Variants in ATF2 observed in about 807,000 individuals in gnomAD.
The protein encoded by ATF2 is cyclic AMP-dependent transcription factor ATF-2.
Under a neutral mutation model 60.6 loss-of-function variants are expected in ATF2, and 24 were observed. That is an observed-to-expected ratio of 0.40 (90% CI 0.29 to 0.56). The LOEUF is 0.56. Ranked by LOEUF, ATF2 falls within the 20% of genes least tolerant of loss-of-function variation. ATF2 has a pLI of 0.54. For missense variants in ATF2, 433 were observed against 607.7 expected (o/e 0.71, Z 3.02); for synonymous variants, 206 against 215.4 (o/e 0.96, Z 0.38).
rs1349504227 is a variant in ATF2 at position 175,074,062 on chromosome 2, G to A, written c.*547C>T. 2 of 152,172 alleles carry A rather than the reference G, an allele frequency of 1.3e-5. No individual in the cohort carries two copies. The highest frequency in any genetic ancestry group is 4.8e-5 in the African/African-American group (2 of 41,442). The allele number at this position is 152,172 out of a possible 1,614,324, so 9.4% of individuals were successfully genotyped here. On this transcript the variant is annotated 3_prime_UTR_variant, in exon 14 of 14. Transcript: ENST00000264110. Reference sequence around the variant, plus strand: ...TGTTTTCACTCACTTAAAAAAAAGTGTTCTTTAATGTTTTTCCTTTTGCAT... The same window carrying A: ...TGTTTTCACTCACTTAAAAAAAAGTATTCTTTAATGTTTTTCCTTTTGCAT...
In ATF2 at chr2:175,097,617, AT is replaced by A; in HGVS notation, c.829-25del. 2.5e-6 allele frequency: 4 copies of A among 1,610,650 alleles called. No homozygotes were observed. In the East Asian group the frequency reaches 6.7e-5, roughly 27 times the overall value. On this transcript the variant is annotated intron_variant, in intron 10 of 13. Coordinates refer to ENST00000264110, the MANE Select transcript of ATF2 (RefSeq NM_001880.4). ...CTCTGCAATGCAAACACCATTAAAA[AT>A]TTTTTTTAAGTCCTTAAAGATCATC...
intron 1 of ATF2, among the ~76,000 whole-genome samples, chr2:175,160,947 A>T (rs1699990646): frequency 6.6e-6 from 1 of 152,130 alleles, no homozygotes; most frequent in Non-Finnish European, 1.5e-5. Flanking sequence ...CTTAGGTGGG[A>T]AGATCTCTCG....
At chr2:175,084,207 A>G (rs1490676446) in intron 12 of ATF2, among the ~76,000 whole-genome samples, 10 of 152,110 alleles carry the variant, frequency 6.6e-5, no homozygotes, top group Non-Finnish European at 1.2e-4. Flanking sequence ...TGTTTATTGC[A>G]GCACTATTCA....
chr2:175,114,891 A>T (rs779108653), intron 7 of ATF2, 23 bp from the exon 8 acceptor site: 1 of 1,601,608 alleles, frequency 6.2e-7, no homozygotes, highest in East Asian at 2.2e-5. Flanking sequence ...GAGATAAAAA[A>T]GGGTGGCATT....
intron 1 of ATF2, among the ~76,000 whole-genome samples, chr2:175,158,056 A>T (rs1699796266): frequency 6.6e-6 from 1 of 152,076 alleles, no homozygotes; most frequent in Non-Finnish European, 1.5e-5. Context: ...GAAGCAGGAT[A>T]CGAACACTCA....
At chr2:175,115,545 G>A (rs1032363986) in intron 7 of ATF2, among the ~76,000 whole-genome samples, 1 of 152,106 alleles carries the variant, frequency 6.6e-6, no homozygotes, top group Non-Finnish European at 1.5e-5. Flanking sequence ...AGTTTTAAAA[G>A]ATTTTACCCA....
Position 175,073,550 on chromosome 2 carries a change from T to C in ATF2, c.*1059A>G, listed in dbSNP as rs1035507890. The stretch of plus-strand genomic sequence containing the variant: ...CATTATAATTACATTGTTCTAAAGA[T>C]AGATACTGATTTTTTTTTCCACGAG... On this transcript the variant is annotated 3_prime_UTR_variant, in exon 14 of 14. Transcript: ENST00000264110. 2.6e-5 allele frequency: 4 copies of C among 152,168 alleles called. No homozygotes were observed. The highest frequency in any genetic ancestry group is 9.6e-5 in the African/African-American group (4 of 41,540). The allele number at this position is 152,168 out of a possible 1,614,324, so 9.4% of individuals were successfully genotyped here.
intron 2 of ATF2, among the ~76,000 whole-genome samples, chr2:175,147,572 C>T (rs7591105): frequency 0.022 from 3,393 of 152,258 alleles, 128 homozygotes; most frequent in African/African-American, 0.077. Context: ...GCACTCTGAG[C>T]ATTTCCAATA....
chr2:175,108,180 C>T (rs1331391576), intron 10 of ATF2, among the ~76,000 whole-genome samples: 5 of 150,112 alleles, frequency 3.3e-5, no homozygotes, highest in African/African-American at 7.4e-5. Context: ...TGCCCGGCCG[C>T]GACCCCGTCT....
In ATF2 at chr2:175,072,564, A is replaced by G. The variant is rs1437366430; in HGVS notation, c.*2045T>C. 6.6e-6 allele frequency: 1 copy of G among 152,128 alleles called. No homozygotes were observed. Among genetic ancestry groups the G allele is most frequent in the African/African-American group, 2.4e-5 (1 of 41,438 alleles). 9.4% of individuals were successfully genotyped at this position (152,128 alleles called of 1,614,324 possible). On this transcript the variant is annotated 3_prime_UTR_variant, in exon 14 of 14. Coordinates refer to ENST00000264110, the MANE Select transcript of ATF2 (RefSeq NM_001880.4). ...GTTGCAAGAATTCTGTTACCAAAGA[A>G]CCTTAACTTGCATAAGTAATAAGAT...
At chr2:175,116,414 T>C (rs951276657) in intron 7 of ATF2, among the ~76,000 whole-genome samples, 1 of 151,938 alleles carries the variant, frequency 6.6e-6, no homozygotes, top group Admixed American at 6.6e-5. Flanking sequence ...TTTACTGAGA[T>C]GGGGAAAACT....
chr2:175,119,589 T>C (rs983831469), intron 5 of ATF2, among the ~76,000 whole-genome samples: 1 of 151,580 alleles, frequency 6.6e-6, no homozygotes, highest in African/African-American at 2.4e-5. Context: ...CTGTTAGTAA[T>C]ATCAGAATTA....
chr2:175,148,598 G>A (rs1397844743), intron 2 of ATF2, among the ~76,000 whole-genome samples: 2 of 152,076 alleles, frequency 1.3e-5, no homozygotes, highest in South Asian at 2.1e-4. Context: ...CCCTCCTCCC[G>A]TTGAAATTCA....
At chr2:175,108,136 A>G (rs1329302240) in intron 10 of ATF2, among the ~76,000 whole-genome samples, 1 of 150,268 alleles carries the variant, frequency 6.7e-6, no homozygotes, top group Non-Finnish European at 1.5e-5. Context: ...GTCTCTGCCC[A>G]GCCGCCCATC....
rs142811958 is a variant in ATF2 at position 175,149,444 on chromosome 2, A to C, written c.-44+1616T>G. 1.4e-3 allele frequency among the ~76,000 whole-genome samples: 211 copies of C among 152,368 alleles called. 5 individuals are homozygous for C. In the East Asian group the frequency reaches 0.016, roughly 11 times the overall value. On this transcript the variant is annotated intron_variant, in intron 2 of 13. Coordinates refer to ENST00000264110, the MANE Select transcript of ATF2 (RefSeq NM_001880.4). ...GAAACATTTTAAGTACGTGAACTAA[A>C]TCAAGAGGAGGATTTTTGCAAGATC...
chr2:175,156,019 G>A (rs1699655799), intron 1 of ATF2, among the ~76,000 whole-genome samples: 1 of 152,046 alleles, frequency 6.6e-6, no homozygotes, highest in African/African-American at 2.4e-5. Context: ...CCTAATCCCT[G>A]GAACCTGTTA....
intron 10 of ATF2, among the ~76,000 whole-genome samples, chr2:175,107,548 CGGTCTCCCTCTCCCTCTCCCCAT>C (rs1367678267): frequency 4.0e-4 from 57 of 141,828 alleles, no homozygotes; most frequent in Admixed American, 2.0e-3. Context: ...CCTCTCCCCA[CGGTCTCCCTCTCCCTCTCCCCAT>C]GGTCTCCCTC....
chr2:175,100,636 A>G lies in ATF2; in HGVS notation c.829-3043T>C, dbSNP rs531493978. Among the ~76,000 whole-genome samples the G allele has an allele frequency of 2.0e-5, 3 of 152,342 alleles. No homozygotes were observed. In the East Asian group the frequency reaches 5.8e-4, roughly 29 times the overall value. On this transcript the variant is annotated intron_variant, in intron 10 of 13. Transcript: ENST00000264110. The stretch of plus-strand genomic sequence containing the variant: ...TTCTTAGCTCCCACAATTTACCTAC[A>G]TATTTGCCCTGGCATGCGTATACTG...
chr2:175,110,544 T>C (rs1004257473), intron 10 of ATF2, among the ~76,000 whole-genome samples: 5 of 152,190 alleles, frequency 3.3e-5, no homozygotes, highest in African/African-American at 7.2e-5. Context: ...TAATCGATGT[T>C]ATTAATTAAC....
Sources: gnomAD v4.1 joint callset for allele counts (sites outside exome capture counted in the v4.1 genomes callset) on GRCh38, gnomAD v4.1.1 for gene constraint, MANE v1.5 for transcripts, NCBI Gene and HGNC (gene_info 2026-07-23, HGNC 2026-07-21) for gene names.